TBC1D5: variants seen among roughly 807,000 people sequenced by gnomAD.
The protein encoded by TBC1D5 is TBC1 domain family member 5, also known as TBC1 domain family, member 5.
Under a neutral mutation model 100.3 loss-of-function variants are expected in TBC1D5, and 75 were observed. That is an observed-to-expected ratio of 0.75 (90% confidence interval 0.62 to 0.91). The LOEUF is 0.91. TBC1D5 is among the 40% of genes least tolerant of loss of function. The pLI, the probability that TBC1D5 is intolerant of heterozygous loss-of-function variation, is 0.00. For missense variants in TBC1D5, 910 were observed against 942.4 expected, an observed-to-expected ratio of 0.97 and a Z score of 0.45; for synonymous variants, 323 against 325.6, an observed-to-expected ratio of 0.99 and a Z score of 0.09.
chr3:17,386,258 C>T (rs1575633942), intron 8 of TBC1D5, among the ~76,000 whole-genome samples: 1 of 152,038 alleles, frequency 6.6e-6, no homozygotes, highest in East Asian at 1.9e-4. Context: ...CGTCCCCTTC[C>T]TCATCTATTC....
chr3:17,718,424 C>T (rs1036403601), intron 1 of TBC1D5, among the ~76,000 whole-genome samples: 3 of 152,106 alleles, frequency 2.0e-5, no homozygotes, highest in East Asian at 1.9e-4. Context: ...GGTGAAACCC[C>T]GTCTCTACCA....
chr3:17,403,096 C>T, intron 8 of TBC1D5, 85 bp downstream of exon 8: 1 of 1,138,432 alleles, frequency 8.8e-7, no homozygotes, highest in Non-Finnish European at 1.2e-6. Context: ...ATTAAGTTGA[C>T]TGCAGATTTT....
intron 1 of TBC1D5, among the ~76,000 whole-genome samples, chr3:17,678,934 T>C (rs919247120): frequency 4.6e-5 from 7 of 151,232 alleles, no homozygotes; most frequent in Admixed American, 2.6e-4. Context: ...TAACACTGAA[T>C]GTTGTGAAAT....
chr3:17,722,296 G>C (rs1385105777), intron 1 of TBC1D5, among the ~76,000 whole-genome samples: 1 of 152,080 alleles, frequency 6.6e-6, no homozygotes, highest in Non-Finnish European at 1.5e-5. Context: ...AAGTGTTTCA[G>C]ATTTTTTTTC....
At chr3:17,206,988 T>A (rs6442674) in intron 18 of TBC1D5, among the ~76,000 whole-genome samples, 152,300 of 152,300 alleles carry the variant, frequency 1, 76,150 homozygotes, top group Non-Finnish European at 1. Flanking sequence ...AAGCTGGAGG[T>A]CAGTGGCACA....
rs902370760 is a variant in TBC1D5 at position 17,167,029 on chromosome 3, C to G, written c.1933-101G>C. 3 of 1,103,412 alleles carry G rather than the reference C, an allele frequency of 2.7e-6. No homozygotes were observed. The African/African-American group carries it at 4.8e-5, about 18-fold the overall frequency. The allele number at this position is 1,103,412 out of a possible 1,614,324, so 68.4% of individuals were successfully genotyped here. Reference sequence around the variant, plus strand: ...CATTTGAACTAGCCTTGTCATCAATCATTTTTTATAGTATGAATATTAATA... The same window carrying G: ...CATTTGAACTAGCCTTGTCATCAATGATTTTTTATAGTATGAATATTAATA... On this transcript the variant is annotated intron_variant, in intron 20 of 21. Transcript: ENST00000253692.
At chr3:17,467,286 C>CTTTTTTTTTTTTTTTTTTTTTTTTT (rs11299814) in intron 3 of TBC1D5, among the ~76,000 whole-genome samples, 2 of 121,288 alleles carry the variant, frequency 1.6e-5, no homozygotes, top group African/African-American at 6.3e-5. Flanking sequence ...GCCAGACCTT[C>CTTTTTTTTTTTTTTTTTTTTTTTTT]TTTTTTTTTT....
intron 1 of TBC1D5, among the ~76,000 whole-genome samples, chr3:17,706,543 C>T (rs1048626495): frequency 1.3e-5 from 2 of 152,018 alleles, no homozygotes; most frequent in African/African-American, 2.4e-5. Context: ...GAAGTATAAT[C>T]GATAACCATG....
At chr3:17,706,226 G>A in intron 1 of TBC1D5, 5 of 1,549,334 alleles carry the variant, frequency 3.2e-6, no homozygotes, top group Non-Finnish European at 4.4e-6. Context: ...GGCTGTGGAG[G>A]CGGCGGCCAC....
chr3:17,291,910 G>C, exon 15 of TBC1D5: 1 of 1,613,622 alleles, frequency 6.2e-7, no homozygotes, highest in Admixed American at 1.7e-5. Context: ...GATCTCTAAG[G>C]AACAGAGCCT....
chr3:17,575,098 G>A (rs1193959853), intron 2 of TBC1D5: 1 of 152,238 alleles, frequency 6.6e-6, no homozygotes, highest in Non-Finnish European at 1.5e-5. Context: ...GCCAAGGCAG[G>A]AGGACTGCTT....
intron 15 of TBC1D5, among the ~76,000 whole-genome samples, chr3:17,265,823 G>C (rs938627159): frequency 1.3e-5 from 2 of 151,670 alleles, no homozygotes; most frequent in Admixed American, 1.3e-4. Context: ...TATCTCGTTA[G>C]TGCCAAGCAA....
intron 17 of TBC1D5, among the ~76,000 whole-genome samples, chr3:17,226,266 T>G (rs1188865492): frequency 6.6e-6 from 1 of 151,336 alleles, no homozygotes; most frequent in Non-Finnish European, 1.5e-5. Flanking sequence ...TCAGCAAGCT[T>G]GTAACCCATA....
chr3:17,623,282 T>C (rs1385897719), intron 2 of TBC1D5, among the ~76,000 whole-genome samples: 1 of 152,222 alleles, frequency 6.6e-6, no homozygotes, highest in Non-Finnish European at 1.5e-5. Context: ...ATACTGTCTA[T>C]GTACAGACCA....
intron 18 of TBC1D5, 115 bp downstream of exon 19, chr3:17,214,092 A>G: frequency 1.0e-6 from 1 of 970,286 alleles, no homozygotes. Context: ...AATTCCTTTT[A>G]GTCCATAAAA....
intron 1 of TBC1D5, among the ~76,000 whole-genome samples, chr3:17,680,439 T>C (rs920151299): frequency 2.0e-5 from 3 of 150,966 alleles, no homozygotes; most frequent in Non-Finnish European, 4.4e-5. Context: ...GTTCCTCAGG[T>C]TGATCTCAAA....
At chr3:17,680,303 C>T (rs1424339985) in intron 1 of TBC1D5, among the ~76,000 whole-genome samples, 1 of 150,420 alleles carries the variant, frequency 6.6e-6, no homozygotes. Context: ...GTGATCACGG[C>T]TCATTGCAGC....
At chr3:17,660,498 G>A (rs1353699635) in intron 1 of TBC1D5, among the ~76,000 whole-genome samples, 3 of 152,138 alleles carry the variant, frequency 2.0e-5, no homozygotes, top group African/African-American at 4.8e-5. Context: ...ATTGTTACTG[G>A]TCCAGAGATA....
intron 4 of TBC1D5, among the ~76,000 whole-genome samples, chr3:17,409,917 A>C (rs1219194575): frequency 6.6e-6 from 1 of 152,210 alleles, no homozygotes; most frequent in East Asian, 1.9e-4. Flanking sequence ...GAGAAGCTGC[A>C]GTAAGTTACA....
Sources: allele counts gnomAD v4.1 joint callset (sites outside exome capture counted in the v4.1 genomes callset), GRCh38; gene constraint gnomAD v4.1.1; transcripts MANE v1.5; gene names NCBI Gene and HGNC (gene_info 2026-07-23, HGNC 2026-07-21).